Variants in STAU2 observed in about 807,000 individuals in gnomAD.
STAU2 encodes the protein double-stranded RNA-binding protein Staufen homolog 2.
Under a neutral mutation model 65.9 loss-of-function variants are expected in STAU2, and 20 were observed. The ratio of observed to expected loss-of-function variants is 0.30; its 90% CI spans 0.21 to 0.44. The LOEUF (loss-of-function observed/expected upper bound fraction) is 0.44, where lower values mean the gene tolerates loss of function less well. STAU2 is among the 20% of genes least tolerant of loss of function. The pLI is 1.00. For synonymous variants in STAU2, 232 were observed against 233.9 expected, an observed-to-expected ratio of 0.99 and a Z score of 0.07; for missense variants, 558 against 683.9, an observed-to-expected ratio of 0.82 and a Z score of 2.05.
intron 12 of STAU2, 79 bp downstream of exon 12, chr8:73,582,691 C>G (rs1014955377): frequency 2.9e-6 from 4 of 1,400,882 alleles, no homozygotes; most frequent in Admixed American, 1.7e-5. Flanking sequence ...CCCAGACAGA[C>G]CCAACCAATC....
chr8:73,574,803 T>C (rs1809397147), intron 12 of STAU2, among the ~76,000 whole-genome samples: 1 of 152,166 alleles, frequency 6.6e-6, no homozygotes, highest in Admixed American at 6.5e-5. Context: ...ATATACCTAA[T>C]GTAAATGACG....
chr8:73,569,639 T>C (rs1235586601), intron 12 of STAU2, among the ~76,000 whole-genome samples: 5 of 152,054 alleles, frequency 3.3e-5, no homozygotes, highest in Non-Finnish European at 7.4e-5. Context: ...GCAGCAATAT[T>C]TGTCATTCTG....
At chr8:73,495,953 T>C (rs997654487) in intron 13 of STAU2, among the ~76,000 whole-genome samples, 1 of 151,394 alleles carries the variant, frequency 6.6e-6, no homozygotes, top group Non-Finnish European at 1.5e-5. Flanking sequence ...CACATTTTGT[T>C]TCAGACACAG....
chr8:73,605,913 ACACAC>A (rs1812002567), intron 9 of STAU2, among the ~76,000 whole-genome samples: 1 of 147,898 alleles, frequency 6.8e-6, no homozygotes, highest in African/African-American at 2.5e-5. Context: ...ACACACACAC[ACACAC>A]GGTCACATGA....
At chr8:73,451,512 C>G (rs1006805812) in intron 13 of STAU2, among the ~76,000 whole-genome samples, 1 of 151,814 alleles carries the variant, frequency 6.6e-6, no homozygotes, top group African/African-American at 2.4e-5. Flanking sequence ...AGAAAGCGTT[C>G]CTCTAACACA....
chr8:73,590,663 C>G (rs548124287), intron 11 of STAU2: 1 of 152,264 alleles, frequency 6.6e-6, no homozygotes, highest in South Asian at 2.1e-4. Flanking sequence ...GGGCTGCCAC[C>G]CTGGACACCT....
At chr8:73,531,727 G>A (rs1053033732) in intron 13 of STAU2, among the ~76,000 whole-genome samples, 1 of 152,120 alleles carries the variant, frequency 6.6e-6, no homozygotes, top group East Asian at 1.9e-4. Context: ...CAGGAACCAG[G>A]AATCTTAGAA....
At chr8:73,688,497 TG>T (rs2130524086) in intron 5 of STAU2, among the ~76,000 whole-genome samples, 156 bp downstream of exon 5, 1 of 95,988 alleles carries the variant, frequency 1.0e-5, no homozygotes, top group South Asian at 3.7e-4. Context: ...ACCGTGTGTG[TG>T]TGTGTGTGTG....
intron 8 of STAU2, among the ~76,000 whole-genome samples, chr8:73,615,337 AATCTTAACTTG>A (rs1303648238): frequency 6.6e-6 from 1 of 152,176 alleles, no homozygotes; most frequent in Non-Finnish European, 1.5e-5. Flanking sequence ...TATGTCACTA[AATCTTAACTTG>A]AATAAATTTA....
At chr8:73,637,418 A>G (rs1814604561) in intron 6 of STAU2, among the ~76,000 whole-genome samples, 1 of 149,706 alleles carries the variant, frequency 6.7e-6, no homozygotes, top group Admixed American at 6.6e-5. Flanking sequence ...AAGAGAAAAA[A>G]TCTGAGGCCA....
intron 1 of STAU2, among the ~76,000 whole-genome samples, chr8:73,744,779 G>A (rs565532507): frequency 5.3e-5 from 8 of 152,146 alleles, no homozygotes; most frequent in Non-Finnish European, 1.2e-4. Flanking sequence ...AAAATATTTT[G>A]TGTGTGATAG....
chr8:73,640,771 T>C (rs1814900711), intron 6 of STAU2, among the ~76,000 whole-genome samples: 1 of 152,192 alleles, frequency 6.6e-6, no homozygotes, highest in Non-Finnish European at 1.5e-5. Flanking sequence ...ACATGAAAAG[T>C]AGTTACTAGA....
At chr8:73,701,778 C>T (rs1013342778) in intron 4 of STAU2, among the ~76,000 whole-genome samples, 1 of 152,190 alleles carries the variant, frequency 6.6e-6, no homozygotes, top group African/African-American at 2.4e-5. Context: ...GATATCTACA[C>T]TCCCATGTTT....
At chr8:73,611,625 T>G (rs1022689450) in intron 9 of STAU2, among the ~76,000 whole-genome samples, 3 of 151,382 alleles carry the variant, frequency 2.0e-5, no homozygotes, top group African/African-American at 7.3e-5. Flanking sequence ...TATAGAAATG[T>G]ACAGATCTTT....
chr8:73,461,277 C>T (rs1428685561), intron 13 of STAU2, among the ~76,000 whole-genome samples: 1 of 152,114 alleles, frequency 6.6e-6, no homozygotes, highest in Non-Finnish European at 1.5e-5. Flanking sequence ...ATATACACGA[C>T]AGATCAAAAA....
At chr8:73,450,017 G>C (rs549978871) in intron 13 of STAU2, among the ~76,000 whole-genome samples, 1 of 152,250 alleles carries the variant, frequency 6.6e-6, no homozygotes, top group African/African-American at 2.4e-5. Flanking sequence ...AGGATATGCC[G>C]GGCTGGCAGA....
At chr8:73,467,480 C>T (rs1018772677) in intron 13 of STAU2, among the ~76,000 whole-genome samples, 2 of 152,008 alleles carry the variant, frequency 1.3e-5, no homozygotes, top group African/African-American at 2.4e-5. Context: ...TGCAGTGAGC[C>T]GAGATCGCGC....
At chr8:73,505,604 T>C (rs1222804509) in intron 13 of STAU2, among the ~76,000 whole-genome samples, 1 of 152,186 alleles carries the variant, frequency 6.6e-6, no homozygotes, top group Admixed American at 6.5e-5. Context: ...GTCAGTCTGC[T>C]GAATTTCTTG....
At chr8:73,637,497 A>AAAAAAAAG (rs1814626548) in intron 6 of STAU2, among the ~76,000 whole-genome samples, 1 of 141,882 alleles carries the variant, frequency 7.0e-6, no homozygotes, top group Non-Finnish European at 1.5e-5. Context: ...AAAAAAAAAA[A>AAAAAAAAG]AAAAAAAAGA....
Sources: gnomAD v4.1 joint callset for allele counts (sites outside exome capture counted in the v4.1 genomes callset) on GRCh38, gnomAD v4.1.1 for gene constraint, MANE v1.5 for transcripts, NCBI Gene and HGNC (gene_info 2026-07-23, HGNC 2026-07-21) for gene names.